Variants in NALF1 observed in about 807,000 individuals in gnomAD.
NALF1 encodes NALCN channel auxiliary factor 1.
Under a neutral mutation model 48.4 loss-of-function variants are expected in NALF1, and 3 were observed. The ratio of observed to expected loss-of-function variants is 0.06; its 90% CI spans 0.03 to 0.16. NALF1 has a LOEUF of 0.16. NALF1 is among the 10% of genes least tolerant of loss of function. NALF1 has a pLI of 1.00. For synonymous variants in NALF1, 262 were observed against 245.7 expected, an observed-to-expected ratio of 1.07 and a Z score of -0.62; for missense variants, 526 against 571.5, an observed-to-expected ratio of 0.92 and a Z score of 0.81.
chr13:107,234,853 A>G (rs1422062745), intron 1 of NALF1, among the ~76,000 whole-genome samples: 1 of 152,192 alleles, frequency 6.6e-6, no homozygotes, highest in Non-Finnish European at 1.5e-5. Context: ...AGTTTGACTG[A>G]TTGACACACA....
chr13:107,570,358 GCTCT>G (rs1033537155), intron 1 of NALF1, among the ~76,000 whole-genome samples: 2 of 151,944 alleles, frequency 1.3e-5, no homozygotes, highest in South Asian at 2.1e-4. Context: ...AGCTGAGGAA[GCTCT>G]CTCTATTCCT....
At chr13:107,835,555 T>C (rs1305586858) in intron 1 of NALF1, 1 of 152,180 alleles carries the variant, frequency 6.6e-6, no homozygotes, top group Admixed American at 6.5e-5. Context: ...TTGTCACCTA[T>C]TATGAGGCAA....
chr13:107,840,633 G>C (rs1238365888), intron 1 of NALF1, among the ~76,000 whole-genome samples: 1 of 152,202 alleles, frequency 6.6e-6, no homozygotes, highest in Admixed American at 6.5e-5. Flanking sequence ...CTGCAAATTA[G>C]TTTCGGATAC....
chr13:107,703,805 C>T (rs1265827384), intron 1 of NALF1, among the ~76,000 whole-genome samples: 2 of 152,092 alleles, frequency 1.3e-5, no homozygotes, highest in East Asian at 1.9e-4. Flanking sequence ...CTGCCCTGTC[C>T]GTGAAACCCC....
At chr13:107,580,868 A>G (rs1281401673) in intron 1 of NALF1, among the ~76,000 whole-genome samples, 4 of 152,166 alleles carry the variant, frequency 2.6e-5, no homozygotes, top group African/African-American at 7.2e-5. Flanking sequence ...ATGATTCAAG[A>G]GTCAAAGAGA....
chr13:107,637,481 C>A (rs1390888154), intron 1 of NALF1, among the ~76,000 whole-genome samples: 1 of 152,122 alleles, frequency 6.6e-6, no homozygotes, highest in African/African-American at 2.4e-5. Flanking sequence ...AATGCTGCTA[C>A]CTGAAGATCC....
At chr13:107,827,928 T>C (rs1417093362) in intron 1 of NALF1, among the ~76,000 whole-genome samples, 1 of 152,170 alleles carries the variant, frequency 6.6e-6, no homozygotes, top group Non-Finnish European at 1.5e-5. Context: ...AAAACTCTTC[T>C]GGGAATATTA....
intron 1 of NALF1, among the ~76,000 whole-genome samples, chr13:107,357,930 C>A (rs907519215): frequency 1.3e-5 from 2 of 152,126 alleles, no homozygotes; most frequent in Non-Finnish European, 1.5e-5. Flanking sequence ...ATCTCATTAT[C>A]TGCATGAACA....
chr13:107,285,394 A>G (rs1881473344), intron 1 of NALF1, among the ~76,000 whole-genome samples: 1 of 152,348 alleles, frequency 6.6e-6, no homozygotes, highest in Admixed American at 6.5e-5. Context: ...AGAGAAGGAC[A>G]TAGGTACTGC....
chr13:107,800,359 T>C (rs1878568137), intron 1 of NALF1, among the ~76,000 whole-genome samples: 1 of 151,990 alleles, frequency 6.6e-6, no homozygotes, highest in Admixed American at 6.6e-5. Flanking sequence ...ATTATTATCA[T>C]ATCACTTTTT....
At chr13:107,767,916 G>A (rs147282842) in intron 1 of NALF1, among the ~76,000 whole-genome samples, 1 of 152,184 alleles carries the variant, frequency 6.6e-6, no homozygotes, top group Non-Finnish European at 1.5e-5. Context: ...GGGGAGAGAT[G>A]TATGAAGTAG....
intron 1 of NALF1, among the ~76,000 whole-genome samples, chr13:107,232,012 A>C (rs1408023599): frequency 6.6e-6 from 1 of 152,222 alleles, no homozygotes; most frequent in Non-Finnish European, 1.5e-5. Context: ...ATTACTATGA[A>C]AGTTAGGGCA....
At chr13:107,300,733 A>C (rs1881820600) in intron 1 of NALF1, among the ~76,000 whole-genome samples, 1 of 152,212 alleles carries the variant, frequency 6.6e-6, no homozygotes, top group Non-Finnish European at 1.5e-5. Flanking sequence ...ACAATGAAAA[A>C]TGGTGCAATT....
chr13:107,679,344 C>A (rs892438788), intron 1 of NALF1, among the ~76,000 whole-genome samples: 10 of 152,064 alleles, frequency 6.6e-5, no homozygotes, highest in African/African-American at 2.2e-4. Flanking sequence ...GTGTTTTTCT[C>A]CTTATTAAGC....
intron 1 of NALF1, among the ~76,000 whole-genome samples, chr13:107,648,273 C>G (rs1289871536): frequency 6.6e-6 from 1 of 152,112 alleles, no homozygotes; most frequent in Non-Finnish European, 1.5e-5. Context: ...CGTCATGGGT[C>G]CACCATTACA....
At chr13:107,364,532 T>G (rs557199802) in intron 1 of NALF1, among the ~76,000 whole-genome samples, 107 of 152,268 alleles carry the variant, frequency 7.0e-4, no homozygotes, top group African/African-American at 2.5e-3. Context: ...AGGAGTGGGG[T>G]CTGCTCTCAT....
chr13:107,585,842 A>T (rs1268800902), intron 1 of NALF1, among the ~76,000 whole-genome samples: 15 of 152,140 alleles, frequency 9.9e-5, no homozygotes. Context: ...TTAATCACTC[A>T]TTTCACAAAA....
At chr13:107,378,557 G>C (rs996441412) in intron 1 of NALF1, among the ~76,000 whole-genome samples, 2 of 152,126 alleles carry the variant, frequency 1.3e-5, no homozygotes, top group African/African-American at 2.4e-5. Context: ...CTTTGAGAAT[G>C]AGCTTTCTGA....
intron 1 of NALF1, among the ~76,000 whole-genome samples, chr13:107,718,295 AC>A (rs1249894649): frequency 6.6e-6 from 1 of 152,178 alleles, no homozygotes; most frequent in Non-Finnish European, 1.5e-5. Context: ...TCATGGACTT[AC>A]GGGGAGTAGT....
Sources: gnomAD v4.1 joint callset for allele counts (sites outside exome capture counted in the v4.1 genomes callset) on GRCh38, gnomAD v4.1.1 for gene constraint, MANE v1.5 for transcripts, NCBI Gene and HGNC (gene_info 2026-07-23, HGNC 2026-07-21) for gene names.